IL1RL1: variants seen among roughly 807,000 people sequenced by gnomAD.
IL1RL1 encodes the protein interleukin 1 receptor like 1, also known as interleukin-1 receptor-like 1.
A neutral mutation model predicts 50.9 loss-of-function variants in IL1RL1; 32 were observed. That is an observed-to-expected ratio of 0.63 (90% CI 0.47 to 0.84). IL1RL1 has a LOEUF of 0.84. Among genes scored for constraint, IL1RL1 ranks in the 40% least tolerant of loss-of-function variants. The pLI, the probability that IL1RL1 is intolerant of heterozygous loss-of-function variation, is 0.00. For missense variants in IL1RL1, 773 were observed against 662.9 expected (o/e 1.17, Z -1.82); for synonymous variants, 275 against 236.0 (o/e 1.17, Z -1.51).
chr2:102,351,438 C>A, intron 10 of IL1RL1, 98 bp from the exon 11 acceptor site: 1 of 1,096,664 alleles, frequency 9.1e-7, no homozygotes, highest in Non-Finnish European at 1.3e-6. Flanking sequence ...CAGAGAATCT[C>A]ACACCAGATT....
At position 102,312,000 on chromosome 2, in the gene IL1RL1, TATTTATATATA is replaced by T. The variant is rs1245249512; in HGVS notation, c.-150+378_-150+388del. On this transcript the variant is annotated intron_variant, in intron 1 of 10. Coordinates refer to ENST00000233954, the MANE Select transcript of IL1RL1 (RefSeq NM_016232.5). ...TATATAATATATATTATATATAATA[TATTTATATATA>T]TTATATATAATATATATTATATATT... Among the ~76,000 whole-genome samples the T allele has an allele frequency of 6.9e-4, 20 of 28,920 alleles. 1 individual carries two copies. In the East Asian group the frequency reaches 0.01, roughly 15 times the overall value. The allele number at this position is 28,920 out of a possible 152,430, so 19.0% of individuals were successfully genotyped here. A position where few individuals can be genotyped will look rare whatever the true frequency, so the allele number is the denominator to read the frequency against.
intron 1 of IL1RL1, among the ~76,000 whole-genome samples, chr2:102,332,817 T>G (rs1055848312): frequency 4.0e-5 from 6 of 149,590 alleles, no homozygotes; most frequent in African/African-American, 1.5e-4. Context: ...GTTATGTAAA[T>G]TTCAGCGCAA....
intron 1 of IL1RL1, among the ~76,000 whole-genome samples, chr2:102,321,145 C>T (rs1180164175): frequency 6.6e-6 from 1 of 152,230 alleles, no homozygotes; most frequent in Non-Finnish European, 1.5e-5. Context: ...TTAAATGTCT[C>T]CTTCCTAGTT....
intron 6 of IL1RL1, among the ~76,000 whole-genome samples, chr2:102,342,827 G>T (rs1257679189): frequency 1.3e-5 from 2 of 152,138 alleles, no homozygotes; most frequent in Non-Finnish European, 2.9e-5. Flanking sequence ...TGGGAGCTGA[G>T]CTTCAAACCC....
At chr2:102,324,262 A>G (rs1573134359) in intron 1 of IL1RL1, among the ~76,000 whole-genome samples, 1 of 152,192 alleles carries the variant, frequency 6.6e-6, no homozygotes, top group Admixed American at 6.5e-5. Context: ...TCACTGTATC[A>G]TGTTACACTC....
intron 1 of IL1RL1, among the ~76,000 whole-genome samples, chr2:102,333,631 A>G (rs1244431925): frequency 6.6e-6 from 1 of 152,130 alleles, no homozygotes; most frequent in African/African-American, 2.4e-5. Flanking sequence ...ATTCTAAGGT[A>G]CATGTACTTG....
intron 8 of IL1RL1, chr2:102,344,745 T>A: frequency 1.1e-6 from 1 of 942,938 alleles, no homozygotes; most frequent in Non-Finnish European, 1.3e-6. Flanking sequence ...AAATGTTTTT[T>A]TTGTGTACAT....
rs780405232 is a variant in IL1RL1 at position 102,343,053 on chromosome 2, AC to A, written c.701del (p.Thr234IlefsTer50). On this transcript the variant is annotated frameshift_variant, in exon 7 of 11. Transcript: ENST00000233954. LOFTEE classifies it high-confidence loss of function. ...CCCTCTAGGAAAAAACGCAAACCTA[AC>A]TTGCTCTGCTTGTTTTGGAAAAGGC... is the stretch of plus-strand genomic sequence containing the variant. The part of the protein sequence containing the change: ...EVEIGKNANL[T>X]CSACFGKGTQ... 28 of 1,614,004 alleles carry A rather than the reference AC, an allele frequency of 1.7e-5. No individual in the cohort carries two copies. The highest frequency in any genetic ancestry group is 2.7e-5 in the African/African-American group (2 of 74,924).
intron 1 of IL1RL1, among the ~76,000 whole-genome samples, chr2:102,327,241 C>T (rs1456273589): frequency 6.6e-6 from 1 of 152,178 alleles, no homozygotes; most frequent in East Asian, 1.9e-4. Flanking sequence ...GAACAACCTG[C>T]TCCTGAATGA....
In IL1RL1 at chr2:102,340,819, A is replaced by G. The variant is rs137964169; in HGVS notation, c.601A>G (p.Thr201Ala). The G allele has an allele frequency of 1.3e-5, 21 of 1,574,954 alleles. No homozygotes were observed. The highest frequency in any genetic ancestry group is 4.2e-5 in the Admixed American group (2 of 47,680). Residue 201 changes from threonine to alanine, a missense_variant, in exon 5 of 11, where the codon ACG becomes GCG. Thr to Ala is a moderately conservative substitution (Grantham distance 58). Transcript: ENST00000233954. ...TAGTGTGACGGCGACCAGGTCCTTC[A>G]CGGTCAAGGGTAAGCTACTGACATT... ...NYSVTATRSFTVKDEQGFSLF... is the reference protein window; with the variant it reads ...NYSVTATRSFAVKDEQGFSLF...
At chr2:102,329,571 A>T (rs1390839085) in intron 1 of IL1RL1, among the ~76,000 whole-genome samples, 1 of 152,198 alleles carries the variant, frequency 6.6e-6, no homozygotes, top group Non-Finnish European at 1.5e-5. Context: ...AATGGGAGAA[A>T]ATTTTTGCAA....
In IL1RL1 at chr2:102,343,038, A is replaced by G. The variant is rs774449571; in HGVS notation, c.685A>G (p.Lys229Glu). The change falls in exon 7 of 11, where the codon AAA becomes GAA. Residue 229 changes from lysine to glutamate, a missense_variant and splice_region_variant. Transcript: ENST00000233954. ...QNEIKEVEIG[K>E]NANLTCSACF... ...TGAATGTCCTTACTCCCCTCTAGGA[A>G]AAAACGCAAACCTAACTTGCTCTGC... 7 of 1,613,756 alleles carry G rather than the reference A, an allele frequency of 4.3e-6. No individual in the cohort carries two copies. The highest frequency in any genetic ancestry group is 4.2e-6 in the Non-Finnish European group (5 of 1,179,916).
At chr2:102,326,084 G>A (rs891172617) in intron 1 of IL1RL1, among the ~76,000 whole-genome samples, 8 of 152,186 alleles carry the variant, frequency 5.3e-5, no homozygotes, top group African/African-American at 1.9e-4. Flanking sequence ...AGGCAAAAAT[G>A]TTAAGGGCAG....
At chr2:102,345,875 A>G in intron 8 of IL1RL1, 1 of 985,404 alleles carries the variant, frequency 1.0e-6, no homozygotes, top group Non-Finnish European at 1.2e-6. Context: ...GCAGCCATCC[A>G]TCCAGCCTGC....
At chr2:102,323,065 T>TA (rs1676880052) in intron 1 of IL1RL1, among the ~76,000 whole-genome samples, 1 of 151,966 alleles carries the variant, frequency 6.6e-6, no homozygotes, top group Non-Finnish European at 1.5e-5. Context: ...TAGTTTACAT[T>TA]AAAAAAAGGA....
At chr2:102,324,038 G>A (rs1158928152) in intron 1 of IL1RL1, among the ~76,000 whole-genome samples, 2 of 136,728 alleles carry the variant, frequency 1.5e-5, no homozygotes, top group Non-Finnish European at 3.1e-5. Context: ...GCTGAGTAGT[G>A]TTCCATTGTA....
At chr2:102,346,674 A>G (rs1258716351) in intron 8 of IL1RL1, among the ~76,000 whole-genome samples, 2 of 152,162 alleles carry the variant, frequency 1.3e-5, no homozygotes, top group African/African-American at 2.4e-5. Context: ...CGGAGTTTTC[A>G]TTATTTAACC....
At chr2:102,321,475 T>A (rs1676835588) in intron 1 of IL1RL1, among the ~76,000 whole-genome samples, 1 of 152,206 alleles carries the variant, frequency 6.6e-6, no homozygotes, top group African/African-American at 2.4e-5. Flanking sequence ...TATTTGCTTT[T>A]CTAAGCCCAG....
chr2:102,348,595 T>C (rs541086719), intron 9 of IL1RL1, among the ~76,000 whole-genome samples: 2 of 152,320 alleles, frequency 1.3e-5, no homozygotes, highest in South Asian at 2.1e-4. Context: ...ATGCTTACAT[T>C]TGGAGGCAGA....
Sources: allele counts gnomAD v4.1 joint callset (sites outside exome capture counted in the v4.1 genomes callset), GRCh38; gene constraint gnomAD v4.1.1; transcripts MANE v1.5; gene names NCBI Gene and HGNC (gene_info 2026-07-23, HGNC 2026-07-21).